The following MAD1L1 variants were observed in gnomAD, a reference collection of about 807,000 sequenced individuals.
MAD1L1 encodes mitotic spindle assembly checkpoint protein MAD1.
MAD1L1 carries 95 observed loss-of-function variants against 96.9 expected under a neutral mutation model. The observed-to-expected ratio is 0.98, with a 90% CI of 0.83 to 1.16. MAD1L1 has a LOEUF of 1.16. Among genes scored for constraint, MAD1L1 ranks in the 50% most tolerant of loss-of-function variants. The pLI, the probability that MAD1L1 is intolerant of heterozygous loss-of-function variation, is 0.00. For missense variants in MAD1L1, 1,007 were observed against 954.4 expected (o/e 1.06, Z -0.73); for synonymous variants, 473 against 396.6 (o/e 1.19, Z -2.29).
intron 18 of MAD1L1, among the ~76,000 whole-genome samples, chr7:1,883,397 T>C (rs1188748860): frequency 6.6e-6 from 1 of 152,190 alleles, no homozygotes; most frequent in African/African-American, 2.4e-5. Context: ...GAGCTCCCTT[T>C]CCAGAGGCAG....
chr7:2,105,102 C>T (rs952035342), intron 11 of MAD1L1, among the ~76,000 whole-genome samples: 11 of 152,128 alleles, frequency 7.2e-5, no homozygotes, highest in South Asian at 4.1e-4. Flanking sequence ...AGAGGTCTGC[C>T]GGGAAGAAAC....
intron 16 of MAD1L1, among the ~76,000 whole-genome samples, chr7:1,946,273 C>T (rs749707044): frequency 2.0e-5 from 3 of 152,200 alleles, no homozygotes; most frequent in Non-Finnish European, 2.9e-5. Flanking sequence ...GAAGCCCCTC[C>T]AGTGCTGCCC....
rs756342507 is a variant in MAD1L1, at chr7:2,219,441, T to C, written c.487A>G (p.Lys163Glu). 6.2e-7 allele frequency: 1 copy of C among 1,613,526 alleles called. No individual in the cohort carries two copies. The highest frequency in any genetic ancestry group is 8.5e-7 in the Non-Finnish European group (1 of 1,179,830). The change falls in exon 6 of 19, where the codon AAG becomes GAG. Residue 163 changes from lysine to glutamate, a missense_variant. Coordinates refer to ENST00000265854, the MANE Select transcript of MAD1L1 (RefSeq NM_001013836.2). ...CACTGCAGTTCCGAGATCCTCCCCT[T>C]CAGTGCGTTGATGGTCTAAAAGTAG... is the stretch of plus-strand genomic sequence containing the variant. ...AQAGETINALKGRISELQWSV... is the reference protein window; with the variant it reads ...AQAGETINALEGRISELQWSV...
intron 11 of MAD1L1, among the ~76,000 whole-genome samples, chr7:2,089,599 A>C (rs1786102225): frequency 1.3e-5 from 2 of 150,660 alleles, no homozygotes; most frequent in Admixed American, 1.3e-4. Flanking sequence ...CCTGGGGCCC[A>C]CCGCACACGC....
chr7:2,148,006 G>C (rs1789392881), intron 11 of MAD1L1, among the ~76,000 whole-genome samples: 2 of 152,212 alleles, frequency 1.3e-5, no homozygotes, highest in South Asian at 4.1e-4. Flanking sequence ...GCCTGGTAAA[G>C]TGTGAACGCT....
chr7:1,879,942 G>A (rs1333576696), intron 18 of MAD1L1, among the ~76,000 whole-genome samples: 1 of 152,132 alleles, frequency 6.6e-6, no homozygotes, highest in Admixed American at 6.5e-5. Context: ...CTGTTAGCCA[G>A]GATGGTCTCA....
chr7:2,028,233 G>A (rs985985943), intron 12 of MAD1L1, among the ~76,000 whole-genome samples: 1 of 152,008 alleles, frequency 6.6e-6, no homozygotes, highest in Non-Finnish European at 1.5e-5. Context: ...AGACCATCCT[G>A]GCTAACACGG....
chr7:1,981,387 G>A (rs767125445), intron 14 of MAD1L1, among the ~76,000 whole-genome samples: 10 of 152,168 alleles, frequency 6.6e-5, no homozygotes, highest in Non-Finnish European at 1.5e-4. Context: ...GGGCACAGAC[G>A]GGGGCCTGGT....
At chr7:1,909,088 C>T (rs111562891) in intron 17 of MAD1L1, among the ~76,000 whole-genome samples, 2,195 of 152,310 alleles carry the variant, frequency 0.014, 47 homozygotes, top group African/African-American at 0.049. Context: ...TGCCCAGACT[C>T]GGAGCAGCGG....
chr7:1,923,303 T>C (rs906206078), intron 17 of MAD1L1, among the ~76,000 whole-genome samples: 1 of 152,198 alleles, frequency 6.6e-6, no homozygotes, highest in Non-Finnish European at 1.5e-5. Context: ...TGCTACCCAG[T>C]CTGGACTTGG....
intron 15 of MAD1L1, among the ~76,000 whole-genome samples, chr7:1,964,116 G>A (rs754292458): frequency 6.6e-6 from 1 of 152,196 alleles, no homozygotes; most frequent in Non-Finnish European, 1.5e-5. Flanking sequence ...CGAGGGCCCA[G>A]GGTGGGTGTT....
intron 15 of MAD1L1, among the ~76,000 whole-genome samples, chr7:1,958,840 C>T (rs1227244182): frequency 6.6e-6 from 1 of 152,176 alleles, no homozygotes; most frequent in Non-Finnish European, 1.5e-5. Flanking sequence ...GGAAGAGACA[C>T]AGGTAGAAGT....
intron 12 of MAD1L1, among the ~76,000 whole-genome samples, chr7:2,062,552 G>A (rs935880043): frequency 6.6e-6 from 1 of 152,092 alleles, no homozygotes; most frequent in Admixed American, 6.5e-5. Context: ...TCCAGCCTGG[G>A]CAACAAAGAG....
At chr7:1,899,572 T>C (rs1261287850) in intron 17 of MAD1L1, among the ~76,000 whole-genome samples, 9 of 152,040 alleles carry the variant, frequency 5.9e-5, no homozygotes, top group Non-Finnish European at 8.8e-5. Flanking sequence ...ACCATGGCCA[T>C]ATGGTTGGAG....
At chr7:2,036,354 C>T (rs1005188767) in intron 12 of MAD1L1, among the ~76,000 whole-genome samples, 2 of 152,120 alleles carry the variant, frequency 1.3e-5, no homozygotes, top group Non-Finnish European at 2.9e-5. Flanking sequence ...CAGGCATGAG[C>T]GCAGGAGCGC....
chr7:2,162,859 A>C (rs1777795811), intron 10 of MAD1L1, among the ~76,000 whole-genome samples: 2 of 151,408 alleles, frequency 1.3e-5, no homozygotes, highest in Admixed American at 1.3e-4. Flanking sequence ...GAGTCCATTA[A>C]TTGGAGTTTC....
Position 2,216,268 on chromosome 7 carries a change from G to A in MAD1L1, c.698C>T (p.Ser233Phe). Residue 233 changes from serine (S) to phenylalanine (F), a missense_variant, in exon 8 of 19, where the codon TCC (serine) becomes TTC (phenylalanine). Physicochemically the swap from Ser to Phe is radical, Grantham distance 155. Transcript: ENST00000265854. ...AATCGCTGCATCCTGCTCTTGCAGGGACAGCTTCTGCTCCAGATCCTGATG... is the reference window on the plus strand; with the variant it reads ...AATCGCTGCATCCTGCTCTTGCAGGAACAGCTTCTGCTCCAGATCCTGATG... ...QQIKDLEQKL[S>F]LQEQDAAIVK... 2.5e-6 allele frequency: 4 copies of A among 1,614,046 alleles called. No individual in the cohort carries two copies. Among genetic ancestry groups the A allele is most frequent in the Non-Finnish European group, 3.4e-6 (4 of 1,180,036 alleles).
chr7:1,890,895 T>C (rs758189889), intron 18 of MAD1L1, among the ~76,000 whole-genome samples: 4 of 152,236 alleles, frequency 2.6e-5, no homozygotes, highest in Non-Finnish European at 5.9e-5. Flanking sequence ...GTGCACAGCC[T>C]TCCTGTCTGG....
intron 10 of MAD1L1, among the ~76,000 whole-genome samples, chr7:2,180,011 G>C (rs944140415): frequency 6.6e-6 from 1 of 151,950 alleles, no homozygotes; most frequent in African/African-American, 2.4e-5. Flanking sequence ...GTCCTGTCTT[G>C]ATTTCACCTC....
Sources: gnomAD v4.1 joint callset for allele counts (sites outside exome capture counted in the v4.1 genomes callset) on GRCh38, gnomAD v4.1.1 for gene constraint, MANE v1.5 for transcripts, NCBI Gene and HGNC (gene_info 2026-07-23, HGNC 2026-07-21) for gene names.